The following SLIT1 variants were observed in gnomAD, a reference collection of about 807,000 sequenced individuals.
SLIT1 encodes slit guidance ligand 1, also known as slit homolog 1 protein.
SLIT1 carries 66 observed loss-of-function variants against 186.1 expected under a neutral mutation model. That is an observed-to-expected ratio of 0.35 (90% CI 0.29 to 0.44). SLIT1 has a LOEUF of 0.44. SLIT1 is among the 20% of genes least tolerant of loss of function. The pLI is 1.00. For synonymous variants in SLIT1, 761 were observed against 833.8 expected, an observed-to-expected ratio of 0.91 and a Z score of 1.50; for missense variants, 1,638 against 2,037.4, an observed-to-expected ratio of 0.80 and a Z score of 3.77.
chr10:97,034,342 C>A (rs1208368010), intron 23 of SLIT1, 129 bp downstream of exon 23: 10 of 737,062 alleles, frequency 1.4e-5, no homozygotes, highest in Non-Finnish European at 2.2e-5. Flanking sequence ...CTCTCAGGCC[C>A]GGCACCCTCT....
rs760138327 is a variant in SLIT1 at position 97,138,872 on chromosome 10, A to T, written c.413+18946T>A. Among the ~76,000 whole-genome samples the T allele has an allele frequency of 2.0e-5, 3 of 152,198 alleles. No homozygotes were observed. In the East Asian group the frequency reaches 5.8e-4, roughly 29 times the overall value. On this transcript the variant is annotated intron_variant, in intron 4 of 36. Coordinates refer to ENST00000266058, the MANE Select transcript of SLIT1 (RefSeq NM_003061.3). The stretch of plus-strand genomic sequence containing the variant: ...GTGTTTTTTCATTTCATGGATGGGA[A>T]CCAGGAGGGAAAAAGCCAGGCTGCC...
At chr10:97,181,964 G>A (rs1016327370) in intron 1 of SLIT1, among the ~76,000 whole-genome samples, 3 of 152,158 alleles carry the variant, frequency 2.0e-5, no homozygotes, top group Admixed American at 6.6e-5. Context: ...AGTCAAGGTC[G>A]TTGTGGAAGA....
chr10:97,089,275 G>A (rs1849202746), intron 4 of SLIT1, among the ~76,000 whole-genome samples: 1 of 152,268 alleles, frequency 6.6e-6, no homozygotes, highest in South Asian at 2.1e-4. Flanking sequence ...GACACAGGGA[G>A]AGGCCAAGCC....
chr10:97,039,527 G>C (rs1304388144), intron 21 of SLIT1, among the ~76,000 whole-genome samples: 1 of 152,226 alleles, frequency 6.6e-6, no homozygotes, highest in Non-Finnish European at 1.5e-5. Flanking sequence ...ATTTCAGTGA[G>C]GGGGTGTTAG....
In SLIT1 at chr10:97,157,811, C is replaced by T. The variant is rs370930429; in HGVS notation, c.413+7G>A. The T allele has an allele frequency of 4.8e-5, 77 of 1,610,242 alleles. No individual in the cohort carries two copies. The highest frequency in any genetic ancestry group is 6.5e-5 in the Non-Finnish European group (76 of 1,176,562). ...GGAGAACTCTCTGGCCACAGAGCGT[C>T]ACTCACAGTCTTGACAAAGCCTGGT... On this transcript the variant is annotated splice_region_variant and intron_variant, in intron 4 of 36. Transcript: ENST00000266058.
intron 1 of SLIT1, among the ~76,000 whole-genome samples, chr10:97,168,670 C>T (rs1329852002): frequency 2.0e-5 from 3 of 152,098 alleles, no homozygotes; most frequent in Non-Finnish European, 4.4e-5. Context: ...AGATATTGTC[C>T]AATTATAAAC....
chr10:97,160,964 A>AC (rs2134723623), intron 3 of SLIT1, among the ~76,000 whole-genome samples: 1 of 151,892 alleles, frequency 6.6e-6, no homozygotes, highest in South Asian at 2.1e-4. Context: ...CAAGTGATCC[A>AC]CCCCCACCAC....
At chr10:97,152,003 T>A (rs1046979285) in intron 4 of SLIT1, among the ~76,000 whole-genome samples, 1 of 152,098 alleles carries the variant, frequency 6.6e-6, no homozygotes, top group Non-Finnish European at 1.5e-5. Flanking sequence ...AATGGGGGCA[T>A]CCCTGGGGAA....
intron 4 of SLIT1, among the ~76,000 whole-genome samples, chr10:97,114,589 G>A (rs141503921): frequency 3.3e-5 from 5 of 152,206 alleles, no homozygotes; most frequent in Non-Finnish European, 5.9e-5. Context: ...AGCCCAAGAG[G>A]TTGAGGCTGC....
intron 22 of SLIT1, 29 bp from the exon 23 acceptor site, chr10:97,034,571 G>A (rs1261864846): frequency 6.3e-7 from 1 of 1,591,748 alleles, no homozygotes; most frequent in East Asian, 2.2e-5. Context: ...TCATGATTTA[G>A]AAAGAACTCA....
At chr10:97,181,098 AG>A (rs1265192691) in intron 1 of SLIT1, among the ~76,000 whole-genome samples, 3 of 152,172 alleles carry the variant, frequency 2.0e-5, no homozygotes, top group African/African-American at 7.2e-5. Context: ...ACTGGGTCTC[AG>A]AGCAGGGAGA....
intron 1 of SLIT1, among the ~76,000 whole-genome samples, chr10:97,174,115 A>G (rs566740072): frequency 2.8e-4 from 43 of 152,242 alleles, no homozygotes; most frequent in Admixed American, 2.5e-3. Context: ...CCTCTTCTAA[A>G]CCAGCTTCCC....
intron 28 of SLIT1, among the ~76,000 whole-genome samples, chr10:97,014,505 A>G (rs1317525854): frequency 2.6e-5 from 4 of 152,312 alleles, no homozygotes; most frequent in Admixed American, 2.6e-4. Context: ...GAGGTGATGA[A>G]TTAACCAAGG....
chr10:97,115,793 G>C (rs960370009), intron 4 of SLIT1, among the ~76,000 whole-genome samples: 2 of 152,194 alleles, frequency 1.3e-5, no homozygotes, highest in African/African-American at 4.8e-5. Flanking sequence ...GTGTTTCTCT[G>C]CCCTTCCTTC....
At chr10:97,122,617 C>G (rs902474) in intron 4 of SLIT1, among the ~76,000 whole-genome samples, 71,567 of 151,974 alleles carry the variant, frequency 0.47, 19,441 homozygotes, top group Non-Finnish European at 0.6. Flanking sequence ...GGTACATACT[C>G]CGGGCCAAGA....
intron 25 of SLIT1, among the ~76,000 whole-genome samples, chr10:97,027,032 T>C (rs1309223587): frequency 6.6e-6 from 1 of 152,158 alleles, no homozygotes; most frequent in African/African-American, 2.4e-5. Flanking sequence ...ACACCCCTCC[T>C]CCACACTGCG....
At chr10:97,009,372 T>C (rs909953332) in intron 31 of SLIT1, among the ~76,000 whole-genome samples, 1 of 152,230 alleles carries the variant, frequency 6.6e-6, no homozygotes, top group African/African-American at 2.4e-5. Context: ...AAGAGTGCCA[T>C]GACCATTCAA....
chr10:97,070,280 T>C (rs1392071109), intron 4 of SLIT1, among the ~76,000 whole-genome samples: 1 of 152,240 alleles, frequency 6.6e-6, no homozygotes, highest in African/African-American at 2.4e-5. Context: ...AATTGATGAC[T>C]CATCCAGCGT....
intron 24 of SLIT1, among the ~76,000 whole-genome samples, chr10:97,031,066 A>G (rs1229634822): frequency 6.6e-6 from 1 of 152,164 alleles, no homozygotes; most frequent in African/African-American, 2.4e-5. Flanking sequence ...TTACATTACA[A>G]ACAGGACCCG....
Sources: allele counts gnomAD v4.1 joint callset (sites outside exome capture counted in the v4.1 genomes callset), GRCh38; gene constraint gnomAD v4.1.1; transcripts MANE v1.5; gene names NCBI Gene and HGNC (gene_info 2026-07-23, HGNC 2026-07-21).